Variants in SHTN1 observed in about 807,000 individuals in gnomAD.
SHTN1 encodes shootin 1.
Under a neutral mutation model 83.1 loss-of-function variants are expected in SHTN1, and 42 were observed. The ratio of observed to expected loss-of-function variants is 0.51; its 90% CI spans 0.39 to 0.65. SHTN1 has a LOEUF of 0.65. Among genes scored for constraint, SHTN1 ranks in the 30% least tolerant of loss-of-function variants. The pLI is 0.00. For synonymous variants in SHTN1, 224 were observed against 247.7 expected, an observed-to-expected ratio of 0.90 and a Z score of 0.90; for missense variants, 622 against 737.8, an observed-to-expected ratio of 0.84 and a Z score of 1.82.
intron 1 of SHTN1, among the ~76,000 whole-genome samples, chr10:117,050,038 G>T (rs1329738459): frequency 6.6e-6 from 1 of 152,034 alleles, no homozygotes; most frequent in Admixed American, 6.6e-5. Flanking sequence ...AAACAATAGA[G>T]AATATTAGCT....
intron 1 of SHTN1, among the ~76,000 whole-genome samples, chr10:117,065,115 A>G (rs993102245): frequency 6.6e-6 from 1 of 152,126 alleles, no homozygotes; most frequent in African/African-American, 2.4e-5. Context: ...ATGAGAACAC[A>G]TGGACACAGG....
Position 116,883,548 on chromosome 10 carries a change from G to A in SHTN1, c.*2796C>T, listed in dbSNP as rs1375609700. 1.3e-5 allele frequency: 2 copies of A among 152,252 alleles called. No individual in the cohort carries two copies. The highest frequency in any genetic ancestry group is 2.9e-5 in the Non-Finnish European group (2 of 68,074). The allele number at this position is 152,252 out of a possible 1,614,324, so 9.4% of individuals were successfully genotyped here. ...CAACGAGTGTAACTGAACAGGTAGA[G>A]TATGCATTTAGAAAAATAATCCAGA... is the stretch of plus-strand genomic sequence containing the variant. On this transcript the variant is annotated 3_prime_UTR_variant, in exon 17 of 17. Transcript: ENST00000355371.
chr10:116,907,935 A>C (rs1848038958), intron 14 of SHTN1: 1 of 517,016 alleles, frequency 1.9e-6, no homozygotes, highest in South Asian at 1.4e-5. Context: ...GGATTCTAAT[A>C]ATTCTACTGG....
intron 3 of SHTN1, among the ~76,000 whole-genome samples, chr10:116,964,167 A>C (rs1220006364): frequency 6.6e-6 from 1 of 152,188 alleles, no homozygotes; most frequent in East Asian, 1.9e-4. Flanking sequence ...TGTTCTCTGT[A>C]GTATAGAATT....
chr10:117,124,086 C>A (rs564781248), intron 1 of SHTN1, among the ~76,000 whole-genome samples: 2 of 151,818 alleles, frequency 1.3e-5, no homozygotes, highest in Non-Finnish European at 2.9e-5. Context: ...TGGTGCATGC[C>A]TGCAGTCCCA....
At chr10:116,965,850 G>T (rs941066368) in intron 3 of SHTN1, among the ~76,000 whole-genome samples, 3 of 152,080 alleles carry the variant, frequency 2.0e-5, no homozygotes, top group African/African-American at 7.2e-5. Flanking sequence ...ACGCAGAAAT[G>T]GATTCACACA....
chr10:116,940,521 T>C lies in SHTN1; in HGVS notation c.803A>G (p.Glu268Gly). 1.2e-6 allele frequency: 2 copies of C among 1,614,144 alleles called. No homozygotes were observed. The highest frequency in any genetic ancestry group is 1.7e-6 in the Non-Finnish European group (2 of 1,179,980). ...AAGTTGCTGGGTGAGTTTTGCATTT[T>C]CGTCTAAAGCTTTCAAAAGCTGCTG... ...PDQQLLKALD[E>G]NAKLTQQLEE... The change falls in exon 9 of 17, where the codon GAA becomes GGA. Residue 268 changes from glutamate to glycine, a missense_variant. Glu to Gly is a moderately conservative substitution (Grantham distance 98, BLOSUM62 -2). This residue lies in a region of SHTN1 where 383 missense variants were observed against 455.8 expected (regional missense o/e 0.84). Transcript: ENST00000355371.
chr10:116,942,578 T>A (rs564651948), intron 8 of SHTN1, among the ~76,000 whole-genome samples: 1 of 152,328 alleles, frequency 6.6e-6, no homozygotes, highest in South Asian at 2.1e-4. Flanking sequence ...CTGATAGTTT[T>A]CTTGTTGAGG....
In SHTN1 at chr10:116,948,954, ACTT is replaced by A; in HGVS notation, c.575_577del (p.Glu192del). 6.3e-7 allele frequency: 1 copy of A among 1,576,376 alleles called. No homozygotes were observed. Among genetic ancestry groups the A allele is most frequent in the Non-Finnish European group, 8.6e-7 (1 of 1,162,088 alleles). ...TTCTAAGACTTTTCTCTGTTCAAGA[ACTT>A]CTGAATTTAAAACAGTCTTTTCTTG... On this transcript the variant is annotated inframe_deletion, in exon 7 of 17. Transcript: ENST00000355371.
chr10:116,919,029 C>T (rs948802810), intron 12 of SHTN1, among the ~76,000 whole-genome samples: 8 of 152,098 alleles, frequency 5.3e-5, no homozygotes, highest in African/African-American at 1.9e-4. Flanking sequence ...GTAAAAGTTT[C>T]CCTACTAATA....
chr10:117,043,781 G>T (rs990659140), intron 2 of SHTN1, among the ~76,000 whole-genome samples: 3 of 152,154 alleles, frequency 2.0e-5, no homozygotes, highest in African/African-American at 4.8e-5. Flanking sequence ...GGTGGAGGCT[G>T]CAGTAAGCTG....
At chr10:117,099,043 C>CACACACACACA (rs975155213) in intron 1 of SHTN1, among the ~76,000 whole-genome samples, 1 of 150,776 alleles carries the variant, frequency 6.6e-6, no homozygotes, top group African/African-American at 2.5e-5. Context: ...CACACACACA[C>CACACACACACA]ACCATAAAAA....
intron 2 of SHTN1, among the ~76,000 whole-genome samples, chr10:117,016,673 T>G (rs1404899060): frequency 6.8e-6 from 1 of 147,702 alleles, no homozygotes; most frequent in Non-Finnish European, 1.5e-5. Context: ...TCCCAAAGTG[T>G]TGGGATTACA....
intron 1 of SHTN1, among the ~76,000 whole-genome samples, chr10:116,990,983 G>C (rs946429999): frequency 4.6e-5 from 7 of 152,022 alleles, no homozygotes; most frequent in Admixed American, 4.6e-4. Context: ...TCAGGAGATC[G>C]AGACCATCCT....
chr10:116,897,166 A>C (rs1589783283), intron 16 of SHTN1, among the ~76,000 whole-genome samples: 1 of 152,194 alleles, frequency 6.6e-6, no homozygotes, highest in African/African-American at 2.4e-5. Flanking sequence ...TTGGGGCAAC[A>C]GTGAAGGGCT....
chr10:117,061,740 G>A (rs1852907401), intron 1 of SHTN1, among the ~76,000 whole-genome samples: 1 of 152,130 alleles, frequency 6.6e-6, no homozygotes, highest in Admixed American at 6.5e-5. Context: ...CAAAGTGCTG[G>A]GATTACAGAC....
In SHTN1 at chr10:117,065,024, G is replaced by T. The variant is rs997952774; in HGVS notation, c.-188-16514C>A. ...CTTATCACCTCACTTAAGAAAGGTGGACTACATCATTCTCAGCAAACTAAC... is the reference window on the plus strand; with the variant it reads ...CTTATCACCTCACTTAAGAAAGGTGTACTACATCATTCTCAGCAAACTAAC... On this transcript the variant is annotated intron_variant, in intron 1 of 17. Coordinates refer to the SHTN1 transcript ENST00000392901. 5.9e-4 allele frequency among the ~76,000 whole-genome samples: 90 copies of T among 152,240 alleles called. 1 individual carries two copies. The highest frequency in any genetic ancestry group is 2.1e-3 in the African/African-American group (87 of 41,528).
At chr10:117,018,716 T>A (rs1329252788) in intron 2 of SHTN1, among the ~76,000 whole-genome samples, 3 of 151,786 alleles carry the variant, frequency 2.0e-5, no homozygotes, top group Non-Finnish European at 2.9e-5. Context: ...GGATTACAGA[T>A]GCTCGCCACC....
intron 1 of SHTN1, among the ~76,000 whole-genome samples, chr10:116,995,582 A>G (rs1564921357): frequency 6.6e-6 from 1 of 152,108 alleles, no homozygotes; most frequent in African/African-American, 2.4e-5. Context: ...AAATTTGGAA[A>G]CTATTCATGA....
Sources: allele counts gnomAD v4.1 joint callset (sites outside exome capture counted in the v4.1 genomes callset), GRCh38; gene constraint gnomAD v4.1.1; regional missense constraint gnomAD v4.1.1; transcripts MANE v1.5; gene names NCBI Gene and HGNC (gene_info 2026-07-23, HGNC 2026-07-21).